The following NLN variants were observed in gnomAD, a reference collection of about 807,000 sequenced individuals.
The protein encoded by NLN is neurolysin.
Under a neutral mutation model 79.9 loss-of-function variants are expected in NLN, and 64 were observed. The observed-to-expected ratio is 0.80, with a 90% confidence interval of 0.65 to 0.99. The LOEUF (loss-of-function observed/expected upper bound fraction) is 0.99, where lower values mean the gene tolerates loss of function less well. Ranked by LOEUF, NLN falls within the 50% of genes least tolerant of loss-of-function variation. NLN has a pLI of 0.00. For missense variants in NLN, 835 were observed against 858.7 expected, an observed-to-expected ratio of 0.97 and a Z score of 0.34; for synonymous variants, 267 against 296.6, an observed-to-expected ratio of 0.90 and a Z score of 1.02.
chr5:65,819,984 A>G (rs1436993894), intron 12 of NLN, among the ~76,000 whole-genome samples: 4 of 152,230 alleles, frequency 2.6e-5, no homozygotes, highest in African/African-American at 7.2e-5. Flanking sequence ...GTTTGGAGCC[A>G]TAGGCAGAGG....
intron 12 of NLN, among the ~76,000 whole-genome samples, chr5:65,818,501 C>G (rs1297399794): frequency 2.6e-5 from 4 of 152,100 alleles, no homozygotes; most frequent in Non-Finnish European, 4.4e-5. Context: ...CAGAAGACCT[C>G]TTCTAATCAG....
intron 3 of NLN, 47 bp downstream of exon 3, chr5:65,763,155 A>G (rs758967099): frequency 6.7e-7 from 1 of 1,498,772 alleles, no homozygotes; most frequent in Non-Finnish European, 9.2e-7. Context: ...ACTCTACAAC[A>G]AAAAAGAACA....
intron 9 of NLN, among the ~76,000 whole-genome samples, chr5:65,796,449 C>T (rs1034029293): frequency 6.6e-6 from 1 of 152,136 alleles, no homozygotes; most frequent in African/African-American, 2.4e-5. Context: ...TTGCATTCAC[C>T]AGCTTAGTGT....
intron 3 of NLN, among the ~76,000 whole-genome samples, chr5:65,769,727 G>A (rs1001968997): frequency 3.3e-5 from 5 of 152,146 alleles, no homozygotes; most frequent in Non-Finnish European, 5.9e-5. Flanking sequence ...TTATGAGATA[G>A]GCTTTTTTAT....
At chr5:65,761,652 C>T (rs1374959766) in intron 2 of NLN, among the ~76,000 whole-genome samples, 1 of 152,090 alleles carries the variant, frequency 6.6e-6, no homozygotes, top group Admixed American at 6.5e-5. Flanking sequence ...TAAATAAGTG[C>T]TGTATTAAAT....
chr5:65,731,726 A>G (rs1758612424), intron 1 of NLN, among the ~76,000 whole-genome samples: 1 of 149,126 alleles, frequency 6.7e-6, no homozygotes, highest in African/African-American at 2.5e-5. Context: ...TGTATTTTAA[A>G]AATCACCTAC....
intron 3 of NLN, among the ~76,000 whole-genome samples, chr5:65,776,308 G>A (rs1759678469): frequency 6.6e-6 from 1 of 152,168 alleles, no homozygotes. Context: ...GCTGTATTAA[G>A]TAGTATTTAG....
intron 1 of NLN, among the ~76,000 whole-genome samples, chr5:65,737,112 C>A (rs184328049): frequency 6.6e-6 from 1 of 151,896 alleles, no homozygotes; most frequent in Non-Finnish European, 1.5e-5. Flanking sequence ...CCAGCCTATG[C>A]GACAGAGGGA....
intron 8 of NLN, among the ~76,000 whole-genome samples, chr5:65,791,070 AG>A (rs1294336390): frequency 1.3e-5 from 2 of 152,318 alleles, no homozygotes; most frequent in Admixed American, 1.3e-4. Context: ...TAAAGGTAAA[AG>A]GGATTAACTT....
intron 1 of NLN, chr5:65,740,964 C>G (rs1036139297): frequency 6.4e-6 from 1 of 155,940 alleles, no homozygotes; most frequent in Non-Finnish European, 1.4e-5. Context: ...GCCTCTGCCT[C>G]CCTGGTTCAA....
chr5:65,780,351 T>C (rs1561198606), intron 5 of NLN, 70 bp downstream of exon 5: 1 of 614,396 alleles, frequency 1.6e-6, no homozygotes, highest in Admixed American at 3.2e-5. Context: ...CAGTTTGTTT[T>C]ACTTTCCAGA....
chr5:65,777,137 T>C (rs1216738948), intron 3 of NLN, among the ~76,000 whole-genome samples: 1 of 152,236 alleles, frequency 6.6e-6, no homozygotes, highest in Non-Finnish European at 1.5e-5. Flanking sequence ...CAGAATTAGA[T>C]TATGCAAATG....
At chr5:65,799,396 G>A (rs879872350) in intron 9 of NLN, among the ~76,000 whole-genome samples, 11 of 152,056 alleles carry the variant, frequency 7.2e-5, no homozygotes, top group Non-Finnish European at 1.6e-4. Flanking sequence ...AAAGTAGAGA[G>A]GTGAGAGGTT....
intron 9 of NLN, among the ~76,000 whole-genome samples, chr5:65,805,981 C>T (rs1479127645): frequency 6.6e-6 from 1 of 152,212 alleles, no homozygotes; most frequent in Non-Finnish European, 1.5e-5. Flanking sequence ...TGAATCCACT[C>T]TGCCTGTGCC....
chr5:65,776,267 A>AT (rs1405215401), intron 3 of NLN, among the ~76,000 whole-genome samples: 2 of 152,120 alleles, frequency 1.3e-5, no homozygotes, highest in Non-Finnish European at 2.9e-5. Flanking sequence ...AAATAAAATA[A>AT]TTTTTTAGCA....
intron 3 of NLN, among the ~76,000 whole-genome samples, chr5:65,773,678 C>T (rs948502556): frequency 5.9e-5 from 9 of 152,114 alleles, no homozygotes; most frequent in African/African-American, 2.2e-4. Flanking sequence ...CACAGTGGCT[C>T]ATGTCTGTAA....
At chr5:65,735,024 A>T (rs957210054) in intron 1 of NLN, among the ~76,000 whole-genome samples, 2 of 152,164 alleles carry the variant, frequency 1.3e-5, no homozygotes, top group Admixed American at 1.3e-4. Flanking sequence ...TTTATCTTAT[A>T]AGTGATATGG....
intron 12 of NLN, among the ~76,000 whole-genome samples, chr5:65,822,475 C>A (rs757058423): frequency 2.6e-5 from 4 of 152,172 alleles, no homozygotes; most frequent in Non-Finnish European, 2.9e-5. Flanking sequence ...CAAATAGGAA[C>A]CTGTTGTATA....
In NLN at chr5:65,802,436, G is replaced by A. The variant is rs375302124; in HGVS notation, c.1528-7079G>A. On this transcript the variant is annotated intron_variant, in intron 9 of 12. Coordinates refer to ENST00000380985, the MANE Select transcript of NLN (RefSeq NM_020726.5). ...CAGTGGCACCCAGAAGCTTAGAGAC[G>A]CTGGGAACCACATAGCCCCAAAGAA... is the stretch of plus-strand genomic sequence containing the variant. Among the ~76,000 whole-genome samples, 55 of 152,332 alleles carry A rather than the reference G, an allele frequency of 3.6e-4. 1 individual carries two copies. The East Asian group carries it at 4.1e-3, about 11-fold the overall frequency.
Sources: allele counts gnomAD v4.1 joint callset (sites outside exome capture counted in the v4.1 genomes callset), GRCh38; gene constraint gnomAD v4.1.1; transcripts MANE v1.5; gene names NCBI Gene and HGNC (gene_info 2026-07-23, HGNC 2026-07-21).